CERK: variants seen among roughly 807,000 people sequenced by gnomAD.
CERK encodes acylsphingosine kinase.
In CERK, 39 loss-of-function variants were observed where a neutral mutation model predicts 63.4. The ratio of observed to expected loss-of-function variants is 0.61; its 90% confidence interval spans 0.48 to 0.80. CERK has a LOEUF of 0.80. Among genes scored for constraint, CERK ranks in the 30% least tolerant of loss-of-function variants. CERK has a pLI of 0.00. For missense variants in CERK, 670 were observed against 714.1 expected (o/e 0.94, Z 0.70); for synonymous variants, 302 against 280.0 (o/e 1.08, Z -0.78).
intron 5 of CERK, among the ~76,000 whole-genome samples, chr22:46,710,716 C>A (rs1051406152): frequency 2.0e-5 from 3 of 152,142 alleles, no homozygotes; most frequent in African/African-American, 7.2e-5. Flanking sequence ...TCTGGGAAAT[C>A]TCTAGGAATT....
chr22:46,709,269 C>T (rs569641265), intron 5 of CERK, among the ~76,000 whole-genome samples: 3 of 152,206 alleles, frequency 2.0e-5, no homozygotes, highest in Admixed American at 6.5e-5. Context: ...GGGGAGAAGG[C>T]GTGCCCTCAA....
In CERK at chr22:46,689,994, G is replaced by A; in HGVS notation, c.1539C>T (p.Val513=). The change falls in exon 12 of 13, where the codon GTC becomes GTT. Residue 513 remains valine (V), a splice_region_variant and synonymous_variant. Coordinates refer to ENST00000216264, the MANE Select transcript of CERK (RefSeq NM_022766.6). ...GEVLHSPAIE[V]RVHCQLVRLF... ...GGCTGGAGGACCCCTGCACGCACCT[G>A]ACCTCGATGGCAGGGCTGTGCAGGA... The A allele has an allele frequency of 6.2e-7, 1 of 1,602,222 alleles. No individual in the cohort carries two copies. Among genetic ancestry groups the A allele is most frequent in the Admixed American group, 1.7e-5 (1 of 59,392 alleles).
At chr22:46,700,014 G>C (rs995490347) in intron 7 of CERK, among the ~76,000 whole-genome samples, 1 of 152,122 alleles carries the variant, frequency 6.6e-6, no homozygotes, top group Non-Finnish European at 1.5e-5. Flanking sequence ...GCTTGAACCC[G>C]GGAGGCGGAG....
At chr22:46,710,490 G>T (rs1051498855) in intron 5 of CERK, among the ~76,000 whole-genome samples, 1 of 151,560 alleles carries the variant, frequency 6.6e-6, no homozygotes, top group African/African-American at 2.4e-5. Context: ...CAATATGGCT[G>T]TACACGGCAG....
chr22:46,708,114 C>T (rs135698), intron 5 of CERK, 126 bp from the exon 6 acceptor site: 367,891 of 1,088,304 alleles, frequency 0.34, 67,078 homozygotes, highest in East Asian at 0.7. Flanking sequence ...TCTAGAAGTG[C>T]GGCTCCTGAA....
intron 1 of CERK, among the ~76,000 whole-genome samples, chr22:46,730,064 A>AAAC (rs1020105185): frequency 5.3e-5 from 8 of 152,046 alleles, no homozygotes; most frequent in Non-Finnish European, 7.4e-5. Context: ...ACAAACAAAC[A>AAAC]AAAAACAAAG....
At position 46,738,190 on chromosome 22, in the gene CERK, C is replaced by T; in HGVS notation, c.-42G>A. The T allele has an allele frequency of 9.1e-7, 1 of 1,095,604 alleles. No individual in the cohort carries two copies. The highest frequency in any genetic ancestry group is 1.1e-6 in the Non-Finnish European group (1 of 902,216). 67.9% of individuals were successfully genotyped at this position (1,095,604 alleles called of 1,614,324 possible). A position where few individuals can be genotyped will look rare whatever the true frequency, so the allele number is the denominator to read the frequency against. On this transcript the variant is annotated 5_prime_UTR_variant, in exon 1 of 13. Coordinates refer to ENST00000216264, the MANE Select transcript of CERK (RefSeq NM_022766.6). ...GTCCGCCAGGCTGGGGGCGCGCGGA[C>T]GCCGAGGGGCGCCGGACCGTTAGCG...
At chr22:46,713,694 C>G (rs1156470477) in intron 3 of CERK, among the ~76,000 whole-genome samples, 1 of 152,020 alleles carries the variant, frequency 6.6e-6, no homozygotes, top group African/African-American at 2.4e-5. Context: ...CTACTGGGTG[C>G]GACCAACATG....
At position 46,706,224 on chromosome 22, in the gene CERK, C is replaced by A. The variant is rs535199481; in HGVS notation, c.715+1619G>T. Among the ~76,000 whole-genome samples, 133 of 152,352 alleles carry A rather than the reference C, an allele frequency of 8.7e-4. 1 individual carries two copies. Among genetic ancestry groups the A allele is most frequent in the African/African-American group, 3.0e-3 (125 of 41,592 alleles). ...CCACCGAGGACACATGAGTGAAAGC[C>A]AACCTCCCTGCCTGTGGGGAAGACA... On this transcript the variant is annotated intron_variant, in intron 6 of 12. Transcript: ENST00000216264.
intron 6 of CERK, among the ~76,000 whole-genome samples, chr22:46,702,417 G>A (rs1377455095): frequency 6.6e-6 from 1 of 151,758 alleles, no homozygotes; most frequent in Admixed American, 6.6e-5. Flanking sequence ...TCAGCCTCCC[G>A]AGGAGCTGGG....
chr22:46,693,122 A>C (rs801715), intron 10 of CERK, among the ~76,000 whole-genome samples: 56,528 of 151,924 alleles, frequency 0.37, 10,608 homozygotes, highest in Middle Eastern at 0.51. Context: ...GCAAGCCCTC[A>C]ATGGGACATC....
At chr22:46,705,644 C>A (rs1419963143) in intron 6 of CERK, among the ~76,000 whole-genome samples, 1 of 152,164 alleles carries the variant, frequency 6.6e-6, no homozygotes, top group Admixed American at 6.5e-5. Context: ...GCACTCCAGC[C>A]TGGACGACAA....
chr22:46,732,187 C>G (rs1486842526), intron 1 of CERK, among the ~76,000 whole-genome samples: 3 of 152,092 alleles, frequency 2.0e-5, no homozygotes, highest in Non-Finnish European at 4.4e-5. Context: ...GGGTGGGCCA[C>G]TGGCCTAGGA....
In CERK at chr22:46,687,191, C is replaced by A. The variant is rs760588592; in HGVS notation, c.1557G>T (p.Leu519=). The A allele has an allele frequency of 3.1e-6, 5 of 1,614,094 alleles. No homozygotes were observed. The highest frequency in any genetic ancestry group is 4.2e-6 in the Non-Finnish European group (5 of 1,180,014). Reference sequence around the variant, plus strand: ...CAATTCCTCGTGCAAAGAGTCGAACCAGCTGGCAGTGGACTCTGCAGAGAC... The same window carrying A: ...CAATTCCTCGTGCAAAGAGTCGAACAAGCTGGCAGTGGACTCTGCAGAGAC... ...PAIEVRVHCQ[L]VRLFARGIEE... Residue 519 remains leucine (L), a synonymous_variant, in exon 13 of 13, where the codon CTG becomes CTT. Transcript: ENST00000216264.
At chr22:46,737,300 A>C (rs142567680) in intron 1 of CERK, among the ~76,000 whole-genome samples, 15 of 150,108 alleles carry the variant, frequency 1.0e-4, no homozygotes, top group South Asian at 6.3e-4. Context: ...TCAAAAAAAA[A>C]AAAAAACAAA....
intron 8 of CERK, among the ~76,000 whole-genome samples, chr22:46,697,274 C>T (rs2082761126): frequency 6.6e-6 from 1 of 152,056 alleles, no homozygotes; most frequent in Non-Finnish European, 1.5e-5. Flanking sequence ...GAATGGCACA[C>T]CTCATGGTCT....
chr22:46,726,892 C>T (rs2082921228), intron 1 of CERK, among the ~76,000 whole-genome samples: 1 of 152,066 alleles, frequency 6.6e-6, no homozygotes, highest in Non-Finnish European at 1.5e-5. Context: ...TGCGACTTAT[C>T]CAGACGCGAC....
intron 8 of CERK, among the ~76,000 whole-genome samples, chr22:46,697,154 T>A (rs1311507887): frequency 6.6e-6 from 1 of 152,362 alleles, no homozygotes; most frequent in South Asian, 2.1e-4. Context: ...TCACTATTTC[T>A]TTCTCTCATA....
At chr22:46,712,387 A>C (rs2082845887) in intron 3 of CERK, 94 bp from the exon 4 acceptor site, 2 of 1,155,942 alleles carry the variant, frequency 1.7e-6, no homozygotes, top group Admixed American at 2.1e-5. Flanking sequence ...AGGGTTTTAG[A>C]ATTCTGCTTA....
Sources: allele counts gnomAD v4.1 joint callset (sites outside exome capture counted in the v4.1 genomes callset), GRCh38; gene constraint gnomAD v4.1.1; transcripts MANE v1.5; gene names NCBI Gene and HGNC (gene_info 2026-07-23, HGNC 2026-07-21).